IFT74: variants seen among roughly 807,000 people sequenced by gnomAD.
The protein encoded by IFT74 is intraflagellar transport protein 74 homolog.
In IFT74, 92 loss-of-function variants were observed where a neutral mutation model predicts 96.7. That is an observed-to-expected ratio of 0.95 (90% CI 0.80 to 1.13). The LOEUF (loss-of-function observed/expected upper bound fraction) is 1.13. Among genes scored for constraint, IFT74 ranks in the 50% most tolerant of loss-of-function variants. The probability of loss-of-function intolerance (pLI) is 0.00; values close to 1 mark genes in which losing one functional copy is unlikely to be tolerated. For synonymous variants in IFT74, 223 were observed against 213.2 expected (o/e 1.05, Z -0.40); for missense variants, 811 against 698.2 (o/e 1.16, Z -1.82).
intron 16 of IFT74, among the ~76,000 whole-genome samples, chr9:27,054,961 A>G (rs1346889360): frequency 6.6e-6 from 1 of 152,186 alleles, no homozygotes; most frequent in Non-Finnish European, 1.5e-5. Context: ...TTCAGGCATA[A>G]GTTACAGTGC....
Position 27,025,443 on chromosome 9 carries a change from C to CAAAAA in IFT74, c.975-3566_975-3562dup, listed in dbSNP as rs57335230. On this transcript the variant is annotated intron_variant, in intron 12 of 19. Coordinates refer to ENST00000380062, the MANE Select transcript of IFT74 (RefSeq NM_025103.4). Reference sequence around the variant, plus strand: ...GGGTGACAGAGTGAGACTCCATCTCCAAAAAAAAAAAAAAAAAAAAGAAAA... The same window carrying CAAAAA: ...GGGTGACAGAGTGAGACTCCATCTCCAAAAAAAAAAAAAAAAAAAAAAAAAGAAAA... Among the ~76,000 whole-genome samples, 276 of 76,066 alleles carry CAAAAA rather than the reference C, an allele frequency of 3.6e-3. 1 individual carries two copies. The highest frequency in any genetic ancestry group is 4.6e-3 in the African/African-American group (87 of 19,054). 49.9% of individuals were successfully genotyped at this position (76,066 alleles called of 152,430 possible). A position where few individuals can be genotyped will look rare whatever the true frequency, so the allele number is the denominator to read the frequency against.
At chr9:26,968,022 A>G (rs1444536195) in intron 2 of IFT74, among the ~76,000 whole-genome samples, 1 of 149,582 alleles carries the variant, frequency 6.7e-6, no homozygotes, top group Non-Finnish European at 1.5e-5. Flanking sequence ...AATGTTCATC[A>G]GGGATATTGG....
chr9:26,990,092 T>G (rs770020727), intron 7 of IFT74, 42 bp from the exon 8 acceptor site: 84 of 1,280,338 alleles, frequency 6.6e-5, no homozygotes, highest in Non-Finnish European at 8.5e-5. Context: ...AAATTTGGTT[T>G]AATATTTATT....
upstream of IFT74, among the ~76,000 whole-genome samples, chr9:26,954,558 A>C (rs1411368686): frequency 1.3e-5 from 2 of 151,026 alleles, 1 homozygote; most frequent in Non-Finnish European, 2.9e-5. Flanking sequence ...GGGTGCACTG[A>C]GGACATATAA....
chr9:27,016,463 T>C (rs2131616681), intron 10 of IFT74, among the ~76,000 whole-genome samples: 2 of 152,342 alleles, frequency 1.3e-5, no homozygotes, highest in Middle Eastern at 6.8e-3. Context: ...GCTTACCTTT[T>C]TGAGCAGACA....
At chr9:26,985,975 C>T (rs1173406455) in intron 6 of IFT74, among the ~76,000 whole-genome samples, 3 of 152,128 alleles carry the variant, frequency 2.0e-5, no homozygotes, top group African/African-American at 4.8e-5. Context: ...AAGAAACAGT[C>T]CCCCTGGCAA....
At chr9:26,998,275 G>C (rs1259655331) in intron 8 of IFT74, 1 of 1,212,792 alleles carries the variant, frequency 8.2e-7, no homozygotes. Flanking sequence ...GCATTAATCA[G>C]AAAAAAAATT....
intron 12 of IFT74, among the ~76,000 whole-genome samples, chr9:27,026,115 ATAAACT>A (rs952274582): frequency 6.6e-6 from 1 of 152,236 alleles, no homozygotes; most frequent in Non-Finnish European, 1.5e-5. Context: ...AAGGTCTCAC[ATAAACT>A]TAAGGTAAAA....
intron 8 of IFT74, 73 bp from the exon 9 acceptor site, chr9:27,008,947 A>G: frequency 8.3e-7 from 1 of 1,199,376 alleles, no homozygotes; most frequent in Non-Finnish European, 1.2e-6. Context: ...AATTAGGACC[A>G]TGACTTGTAT....
intron 12 of IFT74, among the ~76,000 whole-genome samples, chr9:27,021,592 T>C (rs1253476644): frequency 6.6e-6 from 1 of 152,206 alleles, no homozygotes; most frequent in African/African-American, 2.4e-5. Context: ...ATGTTGAGCA[T>C]CATTTCCTAT....
chr9:26,963,166 A>T (rs1194824491), intron 2 of IFT74, among the ~76,000 whole-genome samples: 5 of 151,206 alleles, frequency 3.3e-5, no homozygotes, highest in Non-Finnish European at 5.9e-5. Flanking sequence ...TGTCCATGTG[A>T]TCTCATTGTT....
intron 2 of IFT74, among the ~76,000 whole-genome samples, chr9:26,963,056 C>G (rs1220203314): frequency 1.3e-5 from 2 of 151,922 alleles, no homozygotes; most frequent in African/African-American, 2.4e-5. Context: ...GTGCTGCACC[C>G]ACTAACTCGT....
chr9:26,955,465 G>C (rs1249843502), upstream of IFT74, among the ~76,000 whole-genome samples: 3 of 152,148 alleles, frequency 2.0e-5, no homozygotes, highest in Non-Finnish European at 4.4e-5. Context: ...CCAGTAATAA[G>C]GAAGACTAGG....
intron 8 of IFT74, among the ~76,000 whole-genome samples, chr9:26,992,668 G>C (rs993148672): frequency 6.6e-6 from 1 of 152,094 alleles, no homozygotes; most frequent in Non-Finnish European, 1.5e-5. Context: ...ACTCCAGCCT[G>C]GGTGACAGGG....
Position 27,038,636 on chromosome 9 carries a change from A to G in IFT74, c.1055-6106A>G, listed in dbSNP as rs541183253. On this transcript the variant is annotated intron_variant, in intron 13 of 19. Coordinates refer to ENST00000380062, the MANE Select transcript of IFT74 (RefSeq NM_025103.4). The stretch of plus-strand genomic sequence containing the variant: ...TGAGGAATGCTTCTCTGACATGATC[A>G]AGGGTGACTTCGAGGAACACATAGA... Among the ~76,000 whole-genome samples, 145 of 152,318 alleles carry G rather than the reference A, an allele frequency of 9.5e-4. 1 individual carries two copies. The highest frequency in any genetic ancestry group is 2.1e-3 in the South Asian group (10 of 4,832).
intron 13 of IFT74, among the ~76,000 whole-genome samples, chr9:27,035,226 A>G (rs1819116203): frequency 6.6e-6 from 1 of 152,236 alleles, no homozygotes; most frequent in Non-Finnish European, 1.5e-5. Context: ...CCCAAAGCAT[A>G]CATTAGAAAG....
At chr9:26,964,035 G>A (rs1826492317) in intron 2 of IFT74, among the ~76,000 whole-genome samples, 1 of 148,984 alleles carries the variant, frequency 6.7e-6, no homozygotes, top group African/African-American at 2.5e-5. Context: ...TGAAGTCCTT[G>A]CCCATGCCTA....
At chr9:27,046,371 A>C (rs1429752993) in intron 14 of IFT74, among the ~76,000 whole-genome samples, 2 of 152,210 alleles carry the variant, frequency 1.3e-5, no homozygotes, top group Non-Finnish European at 2.9e-5. Flanking sequence ...GTATAATGGG[A>C]ATCCATTACA....
At chr9:27,029,508 G>T (rs1452578597) in intron 13 of IFT74, among the ~76,000 whole-genome samples, 2 of 152,048 alleles carry the variant, frequency 1.3e-5, no homozygotes, top group Non-Finnish European at 2.9e-5. Flanking sequence ...AGCATTTTGG[G>T]AAGCTGAGGC....
Sources: allele counts gnomAD v4.1 joint callset (sites outside exome capture counted in the v4.1 genomes callset), GRCh38; gene constraint gnomAD v4.1.1; transcripts MANE v1.5; gene names NCBI Gene and HGNC (gene_info 2026-07-23, HGNC 2026-07-21).